PCDH15: variants seen among roughly 807,000 people sequenced by gnomAD.
The protein encoded by PCDH15 is protocadherin related 15.
Under a neutral mutation model 178.5 loss-of-function variants are expected in PCDH15, and 129 were observed. That is an observed-to-expected ratio of 0.72 (90% CI 0.63 to 0.84). The LOEUF (loss-of-function observed/expected upper bound fraction) is 0.84. PCDH15 is among the 40% of genes least tolerant of loss of function. The pLI, the probability that PCDH15 is intolerant of heterozygous loss-of-function variation, is 0.00. For missense variants in PCDH15, 2,230 were observed against 2,099.9 expected (o/e 1.06, Z -1.21); for synonymous variants, 800 against 732.0 (o/e 1.09, Z -1.50).
intron 2 of PCDH15, among the ~76,000 whole-genome samples, chr10:55,385,766 T>C (rs1160015774): frequency 6.9e-6 from 1 of 145,366 alleles, no homozygotes; most frequent in Non-Finnish European, 1.5e-5. Flanking sequence ...TGTATAGATA[T>C]ATACGTATAT....
At chr10:55,016,625 A>C (rs2131949328) in intron 2 of PCDH15, among the ~76,000 whole-genome samples, 1 of 152,240 alleles carries the variant, frequency 6.6e-6, no homozygotes, top group Admixed American at 6.5e-5. Context: ...GTGTATATGT[A>C]CCAACTTTTC....
At chr10:55,162,336 A>G (rs1160185195) in intron 2 of PCDH15, among the ~76,000 whole-genome samples, 1 of 152,198 alleles carries the variant, frequency 6.6e-6, no homozygotes, top group African/African-American at 2.4e-5. Context: ...TTGAATAAAC[A>G]TAGTGTTGAT....
intron 2 of PCDH15, among the ~76,000 whole-genome samples, chr10:55,008,664 A>T (rs537504418): frequency 7.2e-5 from 11 of 152,266 alleles, no homozygotes; most frequent in African/African-American, 2.6e-4. Context: ...TAATACCCCC[A>T]GCAACAAGTA....
intron 26 of PCDH15, among the ~76,000 whole-genome samples, chr10:53,881,185 TA>T (rs2080689990): frequency 6.6e-6 from 1 of 152,196 alleles, no homozygotes; most frequent in African/African-American, 2.4e-5. Context: ...CTATACTACC[TA>T]AAATTTCAGG....
chr10:54,827,689 C>T (rs1591725157), intron 3 of PCDH15, among the ~76,000 whole-genome samples: 1 of 152,002 alleles, frequency 6.6e-6, no homozygotes, highest in Admixed American at 6.6e-5. Context: ...GCTGGGCTTA[C>T]TGAAACTTTA....
At chr10:55,541,480 GGTGTTAT>G in intron 2 of PCDH15, among the ~76,000 whole-genome samples, 1 of 151,938 alleles carries the variant, frequency 6.6e-6, no homozygotes, top group South Asian at 2.1e-4. Flanking sequence ...TATCTGAATA[GGTGTTAT>G]GTTGTTTTAT....
intron 2 of PCDH15, among the ~76,000 whole-genome samples, chr10:55,121,357 C>CT (rs1313638072): frequency 1.9e-5 from 1 of 52,406 alleles, no homozygotes; most frequent in Non-Finnish European, 8.3e-5. Flanking sequence ...AGGCTCAGAG[C>CT]TGGGGGGGGG....
intron 2 of PCDH15, among the ~76,000 whole-genome samples, chr10:55,391,356 A>C (rs1472704360): frequency 1.3e-5 from 2 of 151,774 alleles, no homozygotes; most frequent in African/African-American, 4.8e-5. Flanking sequence ...GTTCTGTATT[A>C]GGCTTTGGTT....
chr10:54,292,575 A>G (rs2059489997), intron 8 of PCDH15, among the ~76,000 whole-genome samples: 1 of 152,202 alleles, frequency 6.6e-6, no homozygotes, highest in Non-Finnish European at 1.5e-5. Context: ...AGAAAGCCCC[A>G]TTGTCTCAGC....
At chr10:54,269,209 A>C (rs1451206816) in intron 8 of PCDH15, among the ~76,000 whole-genome samples, 1 of 152,010 alleles carries the variant, frequency 6.6e-6, no homozygotes, top group African/African-American at 2.4e-5. Context: ...ATAAATGAGA[A>C]ACTGAAAGAA....
chr10:53,824,995 G>GAC (rs1401484501), intron 32 of PCDH15: 1 of 1,093,388 alleles, frequency 9.1e-7, no homozygotes, highest in Non-Finnish European at 1.2e-6. Flanking sequence ...GGGTGTGGAA[G>GAC]ACAAAACTTT....
At chr10:55,005,622 C>A (rs935859307) in intron 2 of PCDH15, among the ~76,000 whole-genome samples, 5 of 152,094 alleles carry the variant, frequency 3.3e-5, no homozygotes, top group African/African-American at 9.7e-5. Context: ...TACTTCTCTA[C>A]TTTGACTTCC....
At chr10:55,292,539 G>A (rs778896032) in intron 1 of PCDH15, among the ~76,000 whole-genome samples, 48 of 151,956 alleles carry the variant, frequency 3.2e-4, no homozygotes, top group African/African-American at 5.5e-4. Context: ...TCGCCACCAC[G>A]ACCGGCTAAT....
intron 8 of PCDH15, among the ~76,000 whole-genome samples, chr10:54,308,603 G>C (rs2133436844): frequency 6.6e-6 from 1 of 152,112 alleles, no homozygotes; most frequent in African/African-American, 2.4e-5. Flanking sequence ...GGAGAACCAA[G>C]GATTCCTTTG....
chr10:54,235,118 T>C (rs569227502), intron 9 of PCDH15, among the ~76,000 whole-genome samples: 3 of 152,298 alleles, frequency 2.0e-5, no homozygotes, highest in Non-Finnish European at 2.9e-5. Context: ...TGCTAACAGC[T>C]TACCTTTTGA....
chr10:53,995,649 A>G lies in PCDH15; in HGVS notation c.2868T>C (p.Pro956=). The stretch of plus-strand genomic sequence containing the variant: ...ATATTAATCAATGCCTTCTACTTAC[A>G]GGAGGGTCTGCATCTTCAGCATAAA... ...TTVYAEDADP[P]GLPASRVRYR... The change falls in exon 21 of 38, where the codon CCT becomes CCC. Residue 956 remains proline, a splice_region_variant and synonymous_variant. Transcript: ENST00000644397. 6.2e-7 allele frequency: 1 copy of G among 1,613,928 alleles called. No individual in the cohort carries two copies. Among genetic ancestry groups the G allele is most frequent in the Non-Finnish European group, 8.5e-7 (1 of 1,179,804 alleles).
At chr10:54,125,362 A>G (rs1331665362) in intron 15 of PCDH15, among the ~76,000 whole-genome samples, 1 of 152,216 alleles carries the variant, frequency 6.6e-6, no homozygotes, top group Non-Finnish European at 1.5e-5. Context: ...TTAAAGCAGT[A>G]GCAAAATTTG....
chr10:54,341,391 G>GT (rs771814462), intron 6 of PCDH15, among the ~76,000 whole-genome samples: 1 of 152,148 alleles, frequency 6.6e-6, no homozygotes, highest in Non-Finnish European at 1.5e-5. Context: ...CCTGCTGCAT[G>GT]TAAGATACAC....
intron 2 of PCDH15, among the ~76,000 whole-genome samples, chr10:55,364,953 A>G (rs927295829): frequency 1.3e-5 from 2 of 152,052 alleles, no homozygotes; most frequent in Non-Finnish European, 1.5e-5. Flanking sequence ...AAATTTTTCA[A>G]TTGGTTCTTT....
Sources: allele counts gnomAD v4.1 joint callset (sites outside exome capture counted in the v4.1 genomes callset), GRCh38; gene constraint gnomAD v4.1.1; transcripts MANE v1.5; gene names NCBI Gene and HGNC (gene_info 2026-07-23, HGNC 2026-07-21).